Variants in LARGE1 observed in about 807,000 individuals in gnomAD.
LARGE1 encodes LARGE xylosyl- and glucuronyltransferase 1.
Under a neutral mutation model 87.6 loss-of-function variants are expected in LARGE1, and 43 were observed. The observed-to-expected ratio is 0.49, with a 90% CI of 0.38 to 0.63. The LOEUF is 0.63. LARGE1 is among the 30% of genes least tolerant of loss of function. The probability of loss-of-function intolerance (pLI) is 0.00; values close to 1 mark genes in which losing one functional copy is unlikely to be tolerated. For missense variants in LARGE1, 802 were observed against 1,000.2 expected (o/e 0.80, Z 2.67); for synonymous variants, 434 against 394.6 (o/e 1.10, Z -1.18).
chr22:33,140,408 A>T, the LARGE1 span, among the ~76,000 whole-genome samples: 1 of 152,188 alleles, frequency 6.6e-6, no homozygotes, highest in South Asian at 2.1e-4. Flanking sequence ...GTGATGGTTA[A>T]TATTGAGTGT....
chr22:33,145,147 T>C, the LARGE1 span, among the ~76,000 whole-genome samples: 2 of 152,124 alleles, frequency 1.3e-5, no homozygotes, highest in Non-Finnish European at 2.9e-5. Context: ...GATGTCCATG[T>C]ACTATGAAAT....
intron 6 of LARGE1, among the ~76,000 whole-genome samples, chr22:33,513,847 G>A (rs926979189): frequency 3.0e-5 from 2 of 65,902 alleles, no homozygotes; most frequent in African/African-American, 4.8e-5. Flanking sequence ...ACACACACAC[G>A]AGTCATGTGC....
intron 1 of LARGE1, among the ~76,000 whole-genome samples, chr22:33,886,733 A>ACT (rs1355592840): frequency 1.3e-5 from 2 of 151,532 alleles, no homozygotes; most frequent in Non-Finnish European, 2.9e-5. Flanking sequence ...AAGAAAAGAG[A>ACT]AGAGAAAAAC....
chr22:33,559,785 T>C (rs2077799677), intron 6 of LARGE1, among the ~76,000 whole-genome samples: 1 of 152,138 alleles, frequency 6.6e-6, no homozygotes, highest in South Asian at 2.1e-4. Flanking sequence ...TACTTAAAGA[T>C]GATGTTCTCG....
chr22:33,459,861 C>T (rs2068301008), intron 6 of LARGE1, among the ~76,000 whole-genome samples: 1 of 151,984 alleles, frequency 6.6e-6, no homozygotes, highest in Admixed American at 6.6e-5. Context: ...ATTCATACCC[C>T]CAATAGCACC....
At chr22:33,795,471 G>C (rs1206007090) in intron 1 of LARGE1, among the ~76,000 whole-genome samples, 1 of 152,100 alleles carries the variant, frequency 6.6e-6, no homozygotes, top group Non-Finnish European at 1.5e-5. Flanking sequence ...ACTAGACATA[G>C]TGGTTAAGAA....
intron 11 of LARGE1, among the ~76,000 whole-genome samples, chr22:33,205,942 C>T (rs900960068): frequency 8.3e-6 from 1 of 121,158 alleles, no homozygotes; most frequent in African/African-American, 3.0e-5. Context: ...CCATGCCATG[C>T]TAATTCTTTT....
intron 7 of LARGE1, among the ~76,000 whole-genome samples, chr22:33,400,074 G>T (rs1287363433): frequency 6.6e-6 from 1 of 152,206 alleles, no homozygotes; most frequent in African/African-American, 2.4e-5. Context: ...AATCCATGAA[G>T]ATGTCAAGTC....
At chr22:33,817,190 C>T (rs1432105944) in intron 1 of LARGE1, among the ~76,000 whole-genome samples, 1 of 152,156 alleles carries the variant, frequency 6.6e-6, no homozygotes, top group African/African-American at 2.4e-5. Flanking sequence ...CAAGTTTCTT[C>T]ACAACCTGGT....
chr22:33,556,971 A>G (rs546450395), intron 6 of LARGE1, among the ~76,000 whole-genome samples: 4 of 152,250 alleles, frequency 2.6e-5, no homozygotes, highest in East Asian at 3.9e-4. Context: ...GTGCCACTGC[A>G]CTCCAGCCTG....
At chr22:33,578,177 T>A (rs894054208) in intron 5 of LARGE1, among the ~76,000 whole-genome samples, 8 of 152,262 alleles carry the variant, frequency 5.3e-5, no homozygotes, top group African/African-American at 1.9e-4. Flanking sequence ...ATTGTGAGGA[T>A]GGCTGTCTAA....
chr22:33,912,929 C>G (rs190822634), intron 1 of LARGE1, among the ~76,000 whole-genome samples: 70 of 151,618 alleles, frequency 4.6e-4, no homozygotes, highest in Non-Finnish European at 7.1e-4. Context: ...CTCTGGAGTT[C>G]AAGTGACTCT....
At chr22:33,332,844 G>A (rs146861219) in intron 10 of LARGE1, among the ~76,000 whole-genome samples, 1 of 152,276 alleles carries the variant, frequency 6.6e-6, no homozygotes, top group Non-Finnish European at 1.5e-5. Flanking sequence ...GAACAGGGCT[G>A]GAGCAGTGTA....
chr22:33,575,701 CTCA>C (rs1391594127), intron 5 of LARGE1, among the ~76,000 whole-genome samples: 1 of 152,202 alleles, frequency 6.6e-6, no homozygotes, highest in Non-Finnish European at 1.5e-5. Flanking sequence ...CCTAAAAATG[CTCA>C]TTATTCAGAA....
At chr22:33,759,466 C>G (rs568864592) in intron 2 of LARGE1, among the ~76,000 whole-genome samples, 103 of 152,276 alleles carry the variant, frequency 6.8e-4, no homozygotes, top group Non-Finnish European at 1.3e-3. Flanking sequence ...TGCCTCATCC[C>G]CCCCATCTGT....
chr22:33,154,845 T>A, the LARGE1 span, among the ~76,000 whole-genome samples: 3 of 152,218 alleles, frequency 2.0e-5, no homozygotes, highest in African/African-American at 7.2e-5. Flanking sequence ...AGTTCCCATG[T>A]GTCATGGGAG....
At chr22:33,810,716 G>A (rs2086465594) in intron 1 of LARGE1, among the ~76,000 whole-genome samples, 1 of 151,718 alleles carries the variant, frequency 6.6e-6, no homozygotes, top group Non-Finnish European at 1.5e-5. Flanking sequence ...TACAGGGTGA[G>A]GGATGAATTT....
intron 4 of LARGE1, among the ~76,000 whole-genome samples, chr22:33,606,922 G>A (rs2079281216): frequency 6.6e-6 from 1 of 152,052 alleles, no homozygotes; most frequent in East Asian, 1.9e-4. Flanking sequence ...CATACGTACC[G>A]GCCTACTCAT....
chr22:33,803,254 T>C (rs1296925040), intron 1 of LARGE1, among the ~76,000 whole-genome samples: 1 of 152,146 alleles, frequency 6.6e-6, no homozygotes, highest in Non-Finnish European at 1.5e-5. Context: ...ACAACTTACA[T>C]TTCCTATCTC....
Sources: gnomAD v4.1 joint callset for allele counts (sites outside exome capture counted in the v4.1 genomes callset) on GRCh38, gnomAD v4.1.1 for gene constraint, MANE v1.5 for transcripts, NCBI Gene and HGNC (gene_info 2026-07-23, HGNC 2026-07-21) for gene names.